Variants in COL4A2 observed in about 807,000 individuals in gnomAD.
COL4A2 encodes the protein collagen type IV alpha 2 chain.
COL4A2 carries 99 observed loss-of-function variants against 200.2 expected under a neutral mutation model. The ratio of observed to expected loss-of-function variants is 0.49; its 90% confidence interval spans 0.42 to 0.58. The LOEUF (loss-of-function observed/expected upper bound fraction) is 0.58. Ranked by LOEUF, COL4A2 falls within the 20% of genes least tolerant of loss-of-function variation. The pLI, the probability that COL4A2 is intolerant of heterozygous loss-of-function variation, is 0.00. For missense variants in COL4A2, 1,950 were observed against 2,314.1 expected, an observed-to-expected ratio of 0.84 and a Z score of 3.23; for synonymous variants, 897 against 900.6, an observed-to-expected ratio of 1.00 and a Z score of 0.07.
In COL4A2 at chr13:110,364,830, G is replaced by C. The variant is rs184800970; in HGVS notation, c.180+7278G>C. ...TCAACGGAGATTGGATGTTCAGTAT[G>C]GTAACTGCTAGGCACATGCAGCTAT... is the stretch of plus-strand genomic sequence containing the variant. On this transcript the variant is annotated intron_variant, in intron 4 of 47. Coordinates refer to ENST00000360467, the MANE Select transcript of COL4A2 (RefSeq NM_001846.4). 1.6e-4 allele frequency among the ~76,000 whole-genome samples: 24 copies of C among 152,174 alleles called. 1 individual carries two copies. Among genetic ancestry groups the C allele is most frequent in the South Asian group, 6.2e-4 (3 of 4,816 alleles).
In COL4A2 at chr13:110,381,293, T is replaced by C. The variant is rs1183128353; in HGVS notation, c.180+23741T>C. On this transcript the variant is annotated intron_variant, in intron 4 of 47. Transcript: ENST00000360467. Reference sequence around the variant, plus strand: ...GACTCTATCTCACGCCCACCGGCTCTATGTCACACCCACCGGCTCTATCTC... The same window carrying C: ...GACTCTATCTCACGCCCACCGGCTCCATGTCACACCCACCGGCTCTATCTC... Among the ~76,000 whole-genome samples, 5 of 152,162 alleles carry C rather than the reference T, an allele frequency of 3.3e-5. No individual in the cohort carries two copies. In the East Asian group the frequency reaches 9.7e-4, roughly 29 times the overall value.
At chr13:110,459,978 T>G (rs1170569207) in intron 22 of COL4A2, among the ~76,000 whole-genome samples, 1 of 152,222 alleles carries the variant, frequency 6.6e-6, no homozygotes, top group Non-Finnish European at 1.5e-5. Context: ...CAGCAGACCT[T>G]TCTTCCGTGG....
Position 110,486,724 on chromosome 13 carries a change from G to A in COL4A2, c.3207+888G>A, listed in dbSNP as rs915062948. Among the ~76,000 whole-genome samples the A allele has an allele frequency of 5.9e-5, 9 of 152,170 alleles. No individual in the cohort carries two copies. In the South Asian group the frequency reaches 6.2e-4, roughly 11 times the overall value. ...AGCGAAGGGAGATAGGGGTGGGGCC[G>A]TTTTATAGGATTTGGGTAGGTAAAG... On this transcript the variant is annotated intron_variant, in intron 34 of 47. Transcript: ENST00000360467.
intron 3 of COL4A2, among the ~76,000 whole-genome samples, chr13:110,356,643 G>A (rs1877279663): frequency 6.6e-6 from 1 of 152,230 alleles, no homozygotes. Context: ...ATGCCCCGGA[G>A]TTTCTCATGC....
intron 40 of COL4A2, among the ~76,000 whole-genome samples, chr13:110,498,463 A>G (rs1446805948): frequency 3.9e-5 from 6 of 152,178 alleles, no homozygotes; most frequent in African/African-American, 1.4e-4. Flanking sequence ...CAGGGTGCAC[A>G]CAGTGGCCCA....
intron 3 of COL4A2, among the ~76,000 whole-genome samples, chr13:110,325,258 G>A (rs1290137567): frequency 2.0e-5 from 3 of 152,166 alleles, no homozygotes; most frequent in Admixed American, 1.3e-4. Flanking sequence ...AATGCTTTGT[G>A]GAGAGTTTAC....
chr13:110,500,908 A>G (rs1045127558), intron 40 of COL4A2, among the ~76,000 whole-genome samples: 1 of 152,228 alleles, frequency 6.6e-6, no homozygotes, highest in African/African-American at 2.4e-5. Flanking sequence ...ACTTCAACAC[A>G]ATACATGGGG....
chr13:110,409,435 T>A (rs545245971), intron 4 of COL4A2, among the ~76,000 whole-genome samples: 1 of 152,386 alleles, frequency 6.6e-6, no homozygotes, highest in South Asian at 2.1e-4. Flanking sequence ...ATGAACCGCG[T>A]GCATCTTTGG....
rs372493006 is a variant in COL4A2, at chr13:110,492,167, G to A, written c.3552G>A (p.Pro1184=). ...GKGDDGWPGA[P]GLPGFPGLRG... is the part of the protein sequence containing the mutation. Reference sequence around the variant, plus strand: ...GAGATGATGGCTGGCCGGGAGCTCCGGGCTTACCAGGTAAGGTCACGTAAA... The same window carrying A: ...GAGATGATGGCTGGCCGGGAGCTCCAGGCTTACCAGGTAAGGTCACGTAAA... The change falls in exon 38 of 48, where the codon CCG becomes CCA. Residue 1184 remains proline, a synonymous_variant. Transcript: ENST00000360467. 1.0e-5 allele frequency: 16 copies of A among 1,552,030 alleles called. No individual in the cohort carries two copies. In the East Asian group the frequency reaches 1.5e-4, roughly 14 times the overall value.
chr13:110,308,732 G>A lies in COL4A2; in HGVS notation c.99+609G>A, dbSNP rs1316787357. ...CACTGGGATCCTGTTCGCCGAGCCT[G>A]CCCCTCCACGCCGGCCGTGCACAGC... On this transcript the variant is annotated intron_variant, in intron 3 of 47. Coordinates refer to ENST00000360467, the MANE Select transcript of COL4A2 (RefSeq NM_001846.4). 4.6e-5 allele frequency among the ~76,000 whole-genome samples: 7 copies of A among 152,280 alleles called. No individual in the cohort carries two copies. In the East Asian group the frequency reaches 1.2e-3, roughly 25 times the overall value.
intron 3 of COL4A2, among the ~76,000 whole-genome samples, chr13:110,321,371 C>A (rs1289971711): frequency 6.6e-6 from 1 of 152,108 alleles, no homozygotes; most frequent in African/African-American, 2.4e-5. Flanking sequence ...GTTTAAATGA[C>A]AGTTCAGTGG....
chr13:110,394,414 C>A (rs568362650), intron 4 of COL4A2, among the ~76,000 whole-genome samples: 1 of 152,278 alleles, frequency 6.6e-6, no homozygotes, highest in African/African-American at 2.4e-5. Flanking sequence ...ATGACATTCG[C>A]ACAAGTAGAG....
chr13:110,394,468 G>T (rs925456821), intron 4 of COL4A2, among the ~76,000 whole-genome samples: 1 of 152,158 alleles, frequency 6.6e-6, no homozygotes, highest in Admixed American at 6.5e-5. Flanking sequence ...TCCTGGTAGC[G>T]CCATCATACC....
chr13:110,396,465 A>G (rs1879186376), intron 4 of COL4A2, among the ~76,000 whole-genome samples: 1 of 152,196 alleles, frequency 6.6e-6, no homozygotes, highest in South Asian at 2.1e-4. Flanking sequence ...TCTGGGTTGA[A>G]TCACCCTGGA....
chr13:110,361,944 A>G (rs1176999572), intron 4 of COL4A2, among the ~76,000 whole-genome samples: 1 of 152,224 alleles, frequency 6.6e-6, no homozygotes, highest in Non-Finnish European at 1.5e-5. Context: ...TGGCCTCTGC[A>G]AATCTCACAC....
chr13:110,403,138 C>G (rs1879436376), intron 4 of COL4A2, among the ~76,000 whole-genome samples: 1 of 152,114 alleles, frequency 6.6e-6, no homozygotes. Context: ...CTTCCCTCTA[C>G]CATACTCATC....
intron 24 of COL4A2, among the ~76,000 whole-genome samples, chr13:110,464,226 G>A (rs909666693): frequency 2.0e-5 from 3 of 152,168 alleles, no homozygotes; most frequent in Non-Finnish European, 2.9e-5. Context: ...AAGCCTGGCT[G>A]CCAGTCCCAG....
chr13:110,383,277 A>G (rs1026967917), intron 4 of COL4A2, among the ~76,000 whole-genome samples: 5 of 152,260 alleles, frequency 3.3e-5, no homozygotes, highest in African/African-American at 1.2e-4. Context: ...TTGATTAGCC[A>G]TATGTACCAT....
intron 3 of COL4A2, among the ~76,000 whole-genome samples, chr13:110,326,251 A>C (rs986016653): frequency 3.9e-5 from 6 of 152,176 alleles, no homozygotes; most frequent in Admixed American, 3.3e-4. Context: ...CTGTGAGATG[A>C]ATTTATAATC....
Sources: gnomAD v4.1 joint callset for allele counts (sites outside exome capture counted in the v4.1 genomes callset) on GRCh38, gnomAD v4.1.1 for gene constraint, MANE v1.5 for transcripts, NCBI Gene and HGNC (gene_info 2026-07-23, HGNC 2026-07-21) for gene names.